Variants in DPF2 observed in about 807,000 individuals in gnomAD.
DPF2 encodes zinc finger protein ubi-d4.
In DPF2, 10 loss-of-function variants were observed where a neutral mutation model predicts 59.6. That is an observed-to-expected ratio of 0.17 (90% CI 0.10 to 0.28). The LOEUF (loss-of-function observed/expected upper bound fraction) is 0.28, where lower values mean the gene tolerates loss of function less well. Ranked by LOEUF, DPF2 falls within the 10% of genes least tolerant of loss-of-function variation. The pLI is 1.00. For missense variants in DPF2, 315 were observed against 509.4 expected (o/e 0.62, Z 3.67); for synonymous variants, 189 against 190.6 (o/e 0.99, Z 0.07).
chr11:65,345,052 G>A (rs1402876875), intron 6 of DPF2: 2 of 189,586 alleles, frequency 1.1e-5, no homozygotes, highest in African/African-American at 2.3e-5. Context: ...TGCCTCATGG[G>A]GATCTGCTTT....
intron 1 of DPF2, among the ~76,000 whole-genome samples, chr11:65,335,522 G>A (rs1301694934): frequency 6.6e-6 from 1 of 152,146 alleles, no homozygotes; most frequent in Non-Finnish European, 1.5e-5. Context: ...TAAACAGAGC[G>A]TGACATCTTG....
chr11:65,335,907 G>A lies in DPF2; in HGVS notation c.32+1989G>A, dbSNP rs2269224. On this transcript the variant is annotated intron_variant, in intron 1 of 10. Transcript: ENST00000528416. ...TGGCTCACTGCAACCTCCGCCTCCC[G>A]GGTTCCAGCAATTCTCCTGCTTCAG... is the stretch of plus-strand genomic sequence containing the variant. Among the ~76,000 whole-genome samples, 1,205 of 151,992 alleles carry A rather than the reference G, an allele frequency of 7.9e-3. 11 individuals carry two copies. Among genetic ancestry groups the A allele is most frequent in the African/African-American group, 0.024 (1,009 of 41,468 alleles).
chr11:65,343,713 T>C (rs1488784404), intron 4 of DPF2, 32 bp from the exon 5 acceptor site: 1 of 1,564,034 alleles, frequency 6.4e-7, no homozygotes, highest in Non-Finnish European at 8.7e-7. Context: ...ATGCACATAT[T>C]TCTACCCATG....
At chr11:65,336,619 A>G (rs1283748420) in intron 1 of DPF2, among the ~76,000 whole-genome samples, 1 of 144,710 alleles carries the variant, frequency 6.9e-6, no homozygotes, top group Admixed American at 7.0e-5. Flanking sequence ...GCGAAACCCC[A>G]CTCTACCAAA....
chr11:65,343,637 G>T, intron 4 of DPF2, 108 bp from the exon 5 acceptor site: 2 of 993,030 alleles, frequency 2.0e-6, no homozygotes, highest in Non-Finnish European at 3.1e-6. Context: ...GCTGGTGTGG[G>T]TGGGACCACG....
rs992816828 is a variant in DPF2 at position 65,353,420 on chromosome 11, A to G, written c.*1661A>G. ...TAATAAGCAAACTAATGACATCACC[A>G]TGGGACACACACAAAAGTTCTTGCA... is the stretch of plus-strand genomic sequence containing the variant. On this transcript the variant is annotated 3_prime_UTR_variant, in exon 11 of 11. Transcript: ENST00000528416. Among the ~76,000 whole-genome samples, 33 of 152,242 alleles carry G rather than the reference A, an allele frequency of 2.2e-4. 1 individual carries two copies. The highest frequency in any genetic ancestry group is 7.2e-4 in the African/African-American group (30 of 41,474).
intron 8 of DPF2, 60 bp downstream of exon 8, chr11:65,346,118 G>A: frequency 6.2e-7 from 1 of 1,605,298 alleles, no homozygotes; most frequent in Non-Finnish European, 8.5e-7. Context: ...TTGGCTTGCT[G>A]GCCTCTAGGG....
intron 10 of DPF2, 104 bp downstream of exon 10, chr11:65,349,035 TAGGG>T: frequency 7.4e-7 from 1 of 1,350,676 alleles, no homozygotes; most frequent in East Asian, 2.4e-5. Context: ...TCTTCCAAAT[TAGGG>T]AGTAAAGCAC....
At position 65,340,958 on chromosome 11, in the gene DPF2, T is replaced by C. The variant is rs766136251; in HGVS notation, c.194-8T>C. Reference sequence around the variant, plus strand: ...AGGGCCTGACTTCTATCTTTCTTCCTGCCACAGGATTGGCCTCCGGACAGC... The same window carrying C: ...AGGGCCTGACTTCTATCTTTCTTCCCGCCACAGGATTGGCCTCCGGACAGC... On this transcript the variant is annotated splice_region_variant and splice_polypyrimidine_tract_variant and intron_variant, in intron 2 of 10. Coordinates refer to ENST00000528416, the MANE Select transcript of DPF2 (RefSeq NM_006268.5). The C allele has an allele frequency of 1.3e-5, 21 of 1,613,700 alleles. No homozygotes were observed. Among genetic ancestry groups the C allele is most frequent in the Non-Finnish European group, 1.5e-5 (18 of 1,179,902 alleles).
intron 1 of DPF2, among the ~76,000 whole-genome samples, chr11:65,337,475 ATATAT>A (rs1333604642): frequency 1.4e-3 from 43 of 31,084 alleles, no homozygotes; most frequent in African/African-American, 1.7e-3. Context: ...AAAAAAAAAA[ATATAT>A]ATATATATAT....
chr11:65,351,544 G>A lies in DPF2; in HGVS notation c.1100-139G>A. 10 of 713,706 alleles carry A rather than the reference G, an allele frequency of 1.4e-5. 1 individual carries two copies. The South Asian group carries it at 1.7e-4, about 12-fold the overall frequency. 44.2% of individuals were successfully genotyped at this position (713,706 alleles called of 1,614,324 possible). ...GGTTTATCCCAGCTCAGGAAACCAT[G>A]GAACTTTCCTGCTGCAGAGCATCCC... On this transcript the variant is annotated intron_variant, in intron 10 of 10. Coordinates refer to ENST00000528416, the MANE Select transcript of DPF2 (RefSeq NM_006268.5).
At chr11:65,336,545 A>G (rs1319339802) in intron 1 of DPF2, among the ~76,000 whole-genome samples, 1 of 151,442 alleles carries the variant, frequency 6.6e-6, no homozygotes, top group Non-Finnish European at 1.5e-5. Flanking sequence ...TAATCCCAGC[A>G]CTTTGGGAGT....
At position 65,340,595 on chromosome 11, in the gene DPF2, A is replaced by C. The variant is rs771417853; in HGVS notation, c.193+50A>C. On this transcript the variant is annotated intron_variant, in intron 2 of 10. Coordinates refer to ENST00000528416, the MANE Select transcript of DPF2 (RefSeq NM_006268.5). ...GGGACTCAGGAGCATAAGGAGGAAG[A>C]AGCCTCCTCATCTTAGGTGATGAGA... 3.7e-6 allele frequency: 6 copies of C among 1,603,330 alleles called. No individual in the cohort carries two copies. The Admixed American group carries it at 8.5e-5, about 23-fold the overall frequency.
chr11:65,339,811 A>G (rs1048941529), intron 1 of DPF2, among the ~76,000 whole-genome samples: 1 of 152,304 alleles, frequency 6.6e-6, no homozygotes, highest in African/African-American at 2.4e-5. Flanking sequence ...AAATTGTTTA[A>G]TATCAGTATG....
chr11:65,346,228 C>T lies in DPF2; in HGVS notation c.905-19C>T. 6.2e-7 allele frequency: 1 copy of T among 1,613,012 alleles called. No homozygotes were observed. On this transcript the variant is annotated intron_variant, in intron 8 of 10. Transcript: ENST00000528416. ...CCCGCATTTCCGACTGTCTGTCTCACTCACTTCCCCCACTACAGGGCATCC... is the reference window on the plus strand; with the variant it reads ...CCCGCATTTCCGACTGTCTGTCTCATTCACTTCCCCCACTACAGGGCATCC...
chr11:65,343,827 G>C lies in DPF2; in HGVS notation c.548G>C (p.Gly183Ala). The C allele has an allele frequency of 6.3e-7, 1 of 1,584,542 alleles. No individual in the cohort carries two copies. Among genetic ancestry groups the C allele is most frequent in the Non-Finnish European group, 8.6e-7 (1 of 1,164,592 alleles). Residue 183 changes from glycine to alanine, a missense_variant, in exon 5 of 11, where the codon GGG becomes GCG. Physicochemically the swap from Gly to Ala is moderately conservative, Grantham distance 60. Around this residue, in one of 4 missense-constraint regions of DPF2, gnomAD observed 228 missense variants for 275.3 expected, o/e 0.83. Coordinates refer to ENST00000528416, the MANE Select transcript of DPF2 (RefSeq NM_006268.5). Reference protein sequence around the residue: ...EEDTPKRRGKGKSKGKGVGSA... With the variant: ...EEDTPKRRGKAKSKGKGVGSA... ...GATACTCCCAAGCGTCGGGGAAAGG[G>C]GAAATCCAAGGTGAGGGGCCAGCGT...
At chr11:65,337,176 G>T (rs1294162332) in intron 1 of DPF2, among the ~76,000 whole-genome samples, 2 of 151,990 alleles carry the variant, frequency 1.3e-5, no homozygotes, top group African/African-American at 4.8e-5. Context: ...TAGAGGCAGG[G>T]CGCGGTGGCT....
chr11:65,346,251 T>C lies in DPF2; in HGVS notation c.909T>C (p.His303=). 1 of 1,614,002 alleles carries C rather than the reference T, an allele frequency of 6.2e-7. No individual in the cohort carries two copies. The highest frequency in any genetic ancestry group is 8.5e-7 in the Non-Finnish European group (1 of 1,179,976). ...VSCSDCGRSG[H]PSCLQFTPVM... is the part of the protein sequence containing the mutation. Reference sequence around the variant, plus strand: ...CACTCACTTCCCCCACTACAGGGCATCCATCTTGCCTCCAATTTACCCCCG... The same window carrying C: ...CACTCACTTCCCCCACTACAGGGCACCCATCTTGCCTCCAATTTACCCCCG... The change falls in exon 9 of 11, where the codon CAT becomes CAC. Residue 303 remains histidine (H), a synonymous_variant. Transcript: ENST00000528416.
chr11:65,334,294 T>TGGCCCGCCGCCC (rs1950066978), intron 1 of DPF2, among the ~76,000 whole-genome samples: 2 of 152,108 alleles, frequency 1.3e-5, no homozygotes, highest in African/African-American at 4.8e-5. Context: ...GCCCTACGGC[T>TGGCCCGCCGCCC]GGCCCGCCGC....
Sources: gnomAD v4.1 joint callset for allele counts (sites outside exome capture counted in the v4.1 genomes callset) on GRCh38, gnomAD v4.1.1 for gene constraint, gnomAD v4.1.1 regional missense constraint, MANE v1.5 for transcripts, NCBI Gene and HGNC (gene_info 2026-07-23, HGNC 2026-07-21) for gene names.